Variants in AMMECR1L observed in about 807,000 individuals in gnomAD.
The protein encoded by AMMECR1L is AMMECR1-like protein.
AMMECR1L carries 4 observed loss-of-function variants against 36.8 expected under a neutral mutation model. The ratio of observed to expected loss-of-function variants is 0.11; its 90% CI spans 0.05 to 0.25. The LOEUF (loss-of-function observed/expected upper bound fraction) is 0.25, where lower values mean the gene tolerates loss of function less well. Ranked by LOEUF, AMMECR1L falls within the 10% of genes least tolerant of loss-of-function variation. AMMECR1L has a pLI of 1.00. For missense variants in AMMECR1L, 232 were observed against 392.1 expected (o/e 0.59, Z 3.45); for synonymous variants, 147 against 148.0 (o/e 0.99, Z 0.05).
rs1360661527 is a variant in AMMECR1L at position 127,864,150 on chromosome 2, T to C, written c.*944A>G. The C allele has an allele frequency of 6.5e-6, 1 of 152,716 alleles. No homozygotes were observed. Among genetic ancestry groups the C allele is most frequent in the Admixed American group, 6.5e-5 (1 of 15,282 alleles). The allele number at this position is 152,716 out of a possible 1,614,324, so 9.5% of individuals were successfully genotyped here. On this transcript the variant is annotated 3_prime_UTR_variant, in exon 8 of 8. Transcript: ENST00000272647. Reference sequence around the variant, plus strand: ...CTTACAGACCCTGGATTCTCTCCTATGATGTGTCCTCCTAAAGCCCAACTC... The same window carrying C: ...CTTACAGACCCTGGATTCTCTCCTACGATGTGTCCTCCTAAAGCCCAACTC...
rs923810654 is a variant in AMMECR1L, at chr2:127,871,910, C to T, written c.408-551G>A. Among the ~76,000 whole-genome samples, 2 of 152,030 alleles carry T rather than the reference C, an allele frequency of 1.3e-5. No individual in the cohort carries two copies. The highest frequency in any genetic ancestry group is 2.4e-5 in the African/African-American group (1 of 41,400). ...TTTTTAAAAAAAGATTTAAAAAGGC[C>T]GGGTGCAGTGGCTCATGCCTGTAAT... On this transcript the variant is annotated intron_variant, in intron 3 of 7. Transcript: ENST00000272647. This position sits in a 1 kb window ranked among gnomAD's most constrained non-coding sequence, Gnocchi z 4.3.
At position 127,876,064 on chromosome 2, in the gene AMMECR1L, G is replaced by A. The variant is rs528424514; in HGVS notation, c.-38-1792C>T. ...CGCTCCCCGCCCCGCCCCCCCACCCGCTGGCTGGACACAGTGGCTCATATC... is the reference window on the plus strand; with the variant it reads ...CGCTCCCCGCCCCGCCCCCCCACCCACTGGCTGGACACAGTGGCTCATATC... On this transcript the variant is annotated intron_variant, in intron 2 of 7. Coordinates refer to ENST00000272647, the MANE Select transcript of AMMECR1L (RefSeq NM_001199140.2). 1.1e-3 allele frequency among the ~76,000 whole-genome samples: 80 copies of A among 70,610 alleles called. No homozygotes were observed. The South Asian group carries it at 0.031, about 27-fold the overall frequency. The allele number at this position is 70,610 out of a possible 152,430, so 46.3% of individuals were successfully genotyped here. A position where few individuals can be genotyped will look rare whatever the true frequency, so the allele number is the denominator to read the frequency against.
chr2:127,876,500 T>G (rs1691252000), intron 2 of AMMECR1L, among the ~76,000 whole-genome samples: 1 of 152,002 alleles, frequency 6.6e-6, no homozygotes, highest in Non-Finnish European at 1.5e-5. Flanking sequence ...TAATAAAACC[T>G]CCAATGACTA....
chr2:127,871,297 A>G lies in AMMECR1L; in HGVS notation c.470T>C (p.Phe157Ser). The G allele has an allele frequency of 6.2e-7, 1 of 1,614,188 alleles. No homozygotes were observed. Among genetic ancestry groups the G allele is most frequent in the Non-Finnish European group, 8.5e-7 (1 of 1,180,044 alleles). The change falls in exon 4 of 8, where the codon TTC (phenylalanine) becomes TCC (serine). Residue 157 changes from phenylalanine to serine, a missense_variant. Phe to Ser is a radical substitution (Grantham distance 155, BLOSUM62 -2). Around this residue, in one of 3 missense-constraint regions of AMMECR1L, gnomAD observed 83 missense variants for 229.5 expected, o/e 0.36. Coordinates refer to ENST00000272647, the MANE Select transcript of AMMECR1L (RefSeq NM_001199140.2). The surrounding 1 kb of genome is among the most constrained non-coding windows in gnomAD (Gnocchi z 4.3). ...TCCTGAATGAAGATTCATGGCTGAG[A>G]AGGTCCCAATGCAGCCACGAAGCCG... The part of the protein sequence containing the change: ...DKRLRGCIGT[F>S]SAMNLHSGLR...
intron 2 of AMMECR1L, among the ~76,000 whole-genome samples, chr2:127,878,418 G>A (rs1222237457): frequency 1.3e-5 from 2 of 152,130 alleles, no homozygotes; most frequent in African/African-American, 4.8e-5. Context: ...GAATCGAAGG[G>A]AAAGAATAAA....
In AMMECR1L at chr2:127,861,766, T is replaced by C. The variant is rs964510916; in HGVS notation, c.*3328A>G. ...TGAAGTCTTTGCACTGAAGGCCATA[T>C]AGTCTCTTGCTTCAGGGAAGTAAGA... On this transcript the variant is annotated 3_prime_UTR_variant, in exon 8 of 8. Coordinates refer to ENST00000272647, the MANE Select transcript of AMMECR1L (RefSeq NM_001199140.2). 1.6e-4 allele frequency: 24 copies of C among 152,232 alleles called. No homozygotes were observed. Among genetic ancestry groups the C allele is most frequent in the African/African-American group, 2.2e-4 (9 of 41,466 alleles). 9.4% of individuals were successfully genotyped at this position (152,232 alleles called of 1,614,324 possible). A position where few individuals can be genotyped will look rare whatever the true frequency, so the allele number is the denominator to read the frequency against.
chr2:127,869,647 G>T lies in AMMECR1L; in HGVS notation c.634-103C>A. On this transcript the variant is annotated intron_variant, in intron 5 of 7. Coordinates refer to ENST00000272647, the MANE Select transcript of AMMECR1L (RefSeq NM_001199140.2). This position sits in a 1 kb window ranked among gnomAD's most constrained non-coding sequence, Gnocchi z 4.7. ...TTGTTCCCTGACCAGCTTAACACAGGCCTGGAAAAGGGAGACCTTCTCGCA... is the reference window on the plus strand; with the variant it reads ...TTGTTCCCTGACCAGCTTAACACAGTCCTGGAAAAGGGAGACCTTCTCGCA... The T allele has an allele frequency of 2.1e-6, 2 of 960,464 alleles. No individual in the cohort carries two copies. Among genetic ancestry groups the T allele is most frequent in the Non-Finnish European group, 1.6e-6 (1 of 608,576 alleles). The allele number at this position is 960,464 out of a possible 1,614,324, so 59.5% of individuals were successfully genotyped here. A position where few individuals can be genotyped will look rare whatever the true frequency, so the allele number is the denominator to read the frequency against.
intron 2 of AMMECR1L, among the ~76,000 whole-genome samples, chr2:127,875,393 G>A (rs924691211): frequency 6.6e-6 from 1 of 152,106 alleles, no homozygotes; most frequent in Non-Finnish European, 1.5e-5. Flanking sequence ...AGGGCAAGTG[G>A]GGGGAGGGAG....
chr2:127,868,127 A>C (rs1176001221), intron 6 of AMMECR1L, among the ~76,000 whole-genome samples: 1 of 152,148 alleles, frequency 6.6e-6, no homozygotes, highest in Admixed American at 6.5e-5. Flanking sequence ...TTGCCCTCCC[A>C]AAGTGCTGGG....
chr2:127,874,204 C>T lies in AMMECR1L; in HGVS notation c.31G>A (p.Glu11Lys), dbSNP rs1302894849. 1 of 1,614,126 alleles carries T rather than the reference C, an allele frequency of 6.2e-7. No homozygotes were observed. Among genetic ancestry groups the T allele is most frequent in the Non-Finnish European group, 8.5e-7 (1 of 1,180,026 alleles). Residue 11 changes from glutamate (E) to lysine (K), a missense_variant, in exon 3 of 8, where the codon GAG becomes AAG. Transcript: ENST00000272647. The surrounding 1 kb of genome is among the most constrained non-coding windows in gnomAD (Gnocchi z 5.2). MGKRRCVPPL[E>K]PKLAAGCCGV... is the part of the protein sequence containing the mutation. ...CAACAGCCTGCTGCCAACTTGGGCTCGAGTGGAGGAACACAACGTCTTTTT... is the reference window on the plus strand; with the variant it reads ...CAACAGCCTGCTGCCAACTTGGGCTTGAGTGGAGGAACACAACGTCTTTTT...
At chr2:127,866,852 C>T (rs751163864) in intron 7 of AMMECR1L, 48 bp downstream of exon 7, 10 of 1,547,860 alleles carry the variant, frequency 6.5e-6, no homozygotes, top group African/African-American at 1.4e-5. Flanking sequence ...ATCCTCCATT[C>T]AACCCCAACT....
intron 1 of AMMECR1L, chr2:127,885,606 T>G (rs1247736799): frequency 1.0e-6 from 1 of 977,342 alleles, no homozygotes; most frequent in Non-Finnish European, 1.2e-6. Flanking sequence ...TGCCCTCCGC[T>G]GGGACATGGC....
At chr2:127,872,800 G>A (rs956332505) in intron 3 of AMMECR1L, among the ~76,000 whole-genome samples, 1 of 152,090 alleles carries the variant, frequency 6.6e-6, no homozygotes, top group African/African-American at 2.4e-5. Context: ...TCTCTCTTAC[G>A]TGGGGCACCC....
chr2:127,873,950 A>G lies in AMMECR1L; in HGVS notation c.285T>C (p.Thr95=). Residue 95 remains threonine, a synonymous_variant, in exon 3 of 8, where the codon ACT becomes ACC. Transcript: ENST00000272647. This position sits in a 1 kb window ranked among gnomAD's most constrained non-coding sequence, Gnocchi z 5.2. ...ALSPLPRPNG[T]ANTTKNLVVT... ...CCACCAGATTCTTAGTGGTGTTGGC[A>G]GTTCCATTAGGCCGGGGAAGAGGGC... is the stretch of plus-strand genomic sequence containing the variant. The G allele has an allele frequency of 6.2e-7, 1 of 1,614,230 alleles. No homozygotes were observed. The highest frequency in any genetic ancestry group is 1.3e-5 in the African/African-American group (1 of 75,050).
In AMMECR1L at chr2:127,869,357, C is replaced by T; in HGVS notation, c.724+97G>A. ...GCAGAAAGGCCCTCATTCTCAGCTG[C>T]AGTTGGGCTGCAAGATGACACACTT... On this transcript the variant is annotated intron_variant, in intron 6 of 7. Transcript: ENST00000272647. The surrounding 1 kb of genome is among the most constrained non-coding windows in gnomAD (Gnocchi z 4.7). The T allele has an allele frequency of 1.7e-6, 2 of 1,155,938 alleles. No individual in the cohort carries two copies. The highest frequency in any genetic ancestry group is 1.7e-5 in the Admixed American group (1 of 57,208). The allele number at this position is 1,155,938 out of a possible 1,614,324, so 71.6% of individuals were successfully genotyped here.
intron 2 of AMMECR1L, among the ~76,000 whole-genome samples, chr2:127,883,848 G>A (rs1691630815): frequency 6.6e-6 from 1 of 152,310 alleles, no homozygotes; most frequent in East Asian, 1.9e-4. Flanking sequence ...ATCAGGAACT[G>A]CATTAACCTC....
Position 127,871,890 on chromosome 2 carries a change from A to C in AMMECR1L, c.408-531T>G, listed in dbSNP as rs144056339. Among the ~76,000 whole-genome samples the C allele has an allele frequency of 3.9e-5, 6 of 152,260 alleles. No individual in the cohort carries two copies. The East Asian group carries it at 1.2e-3, about 29-fold the overall frequency. On this transcript the variant is annotated intron_variant, in intron 3 of 7. Coordinates refer to ENST00000272647, the MANE Select transcript of AMMECR1L (RefSeq NM_001199140.2). This position sits in a 1 kb window ranked among gnomAD's most constrained non-coding sequence, Gnocchi z 4.3. ...CCTCAAAAAACATTTTTTAATTTTT[A>C]AAAAAAGATTTAAAAAGGCCGGGTG...
At chr2:127,866,801 G>T in intron 7 of AMMECR1L, 99 bp downstream of exon 7, 1 of 1,149,850 alleles carries the variant, frequency 8.7e-7, no homozygotes, top group Non-Finnish European at 1.3e-6. Context: ...TTGATTTAGG[G>T]ACATTCACAG....
At position 127,862,320 on chromosome 2, in the gene AMMECR1L, A is replaced by C. The variant is rs945702490; in HGVS notation, c.*2774T>G. 5.9e-5 allele frequency: 9 copies of C among 153,798 alleles called. No individual in the cohort carries two copies. The highest frequency in any genetic ancestry group is 2.2e-4 in the African/African-American group (9 of 41,460). 9.5% of individuals were successfully genotyped at this position (153,798 alleles called of 1,614,324 possible). On this transcript the variant is annotated 3_prime_UTR_variant, in exon 8 of 8. Transcript: ENST00000272647. The stretch of plus-strand genomic sequence containing the variant: ...CAGCCCAAGGACAAAGGAAACACTC[A>C]GCAGAAAACATTCCCTTTTCTTTAA...
Sources: allele counts gnomAD v4.1 joint callset (sites outside exome capture counted in the v4.1 genomes callset), GRCh38; gene constraint gnomAD v4.1.1; regional missense constraint gnomAD v4.1.1; non-coding constraint Gnocchi (gnomAD v3.1); transcripts MANE v1.5; gene names NCBI Gene and HGNC (gene_info 2026-07-23, HGNC 2026-07-21).